WNT5B: variants seen among roughly 807,000 people sequenced by gnomAD.
WNT5B encodes protein Wnt-5b.
Under a neutral mutation model 36.5 loss-of-function variants are expected in WNT5B, and 18 were observed. The ratio of observed to expected loss-of-function variants is 0.49; its 90% CI spans 0.34 to 0.73. The LOEUF is 0.73. Ranked by LOEUF, WNT5B falls within the 30% of genes least tolerant of loss-of-function variation. The pLI, the probability that WNT5B is intolerant of heterozygous loss-of-function variation, is 0.01. For synonymous variants in WNT5B, 213 were observed against 212.3 expected, an observed-to-expected ratio of 1.00 and a Z score of -0.03; for missense variants, 424 against 508.4, an observed-to-expected ratio of 0.83 and a Z score of 1.60.
Position 1,646,361 on chromosome 12 carries a change from A to T in WNT5B, c.*109A>T, listed in dbSNP as rs2094585725. The T allele has an allele frequency of 1.1e-6, 1 of 910,776 alleles. No homozygotes were observed. The highest frequency in any genetic ancestry group is 1.5e-6 in the Non-Finnish European group (1 of 678,076). The allele number at this position is 910,776 out of a possible 1,614,324, so 56.4% of individuals were successfully genotyped here. On this transcript the variant is annotated 3_prime_UTR_variant, in exon 5 of 5. Transcript: ENST00000397196. ...TTGTATAAGTAAATGGGTGGGTGCT[A>T]TACAATGGAAAGATGAAAATGGAAA...
chr12:1,637,500 G>A (rs896345396), intron 3 of WNT5B, among the ~76,000 whole-genome samples: 15 of 151,546 alleles, frequency 9.9e-5, no homozygotes, highest in Admixed American at 3.3e-4. Flanking sequence ...CACTTTGGGA[G>A]GCCCAGGCGG....
chr12:1,617,909 AG>A (rs1353518493), intron 1 of WNT5B, among the ~76,000 whole-genome samples: 1 of 152,022 alleles, frequency 6.6e-6, no homozygotes, highest in East Asian at 1.9e-4. Context: ...GAAGCCTAGG[AG>A]GGAGGATTGC....
At chr12:1,642,515 G>GT (rs1384479164) in intron 4 of WNT5B, among the ~76,000 whole-genome samples, 1 of 152,166 alleles carries the variant, frequency 6.6e-6, no homozygotes, top group African/African-American at 2.4e-5. Flanking sequence ...CTTCAACCCT[G>GT]TATGTGCTGT....
chr12:1,622,898 A>G lies in WNT5B; in HGVS notation c.-58+5755A>G, dbSNP rs74058799. ...GATGCTGCTGGGGGCCTTCTTTGGC[A>G]GAGATGGTTAGAGAAGGCCTCTTGG... On this transcript the variant is annotated intron_variant, in intron 1 of 4. Coordinates refer to the WNT5B transcript ENST00000310594. Among the ~76,000 whole-genome samples the G allele has an allele frequency of 3.9e-3, 591 of 152,356 alleles. 3 individuals are homozygous for G. Among genetic ancestry groups the G allele is most frequent in the African/African-American group, 0.014 (574 of 41,584 alleles).
chr12:1,635,156 G>A (rs1257873639), intron 3 of WNT5B, among the ~76,000 whole-genome samples: 1 of 152,216 alleles, frequency 6.6e-6, no homozygotes, highest in Non-Finnish European at 1.5e-5. Context: ...AGCTTCTGAT[G>A]AAGACCCGAC....
intron 3 of WNT5B, among the ~76,000 whole-genome samples, chr12:1,637,041 T>C (rs2094563141): frequency 6.6e-6 from 1 of 152,002 alleles, no homozygotes; most frequent in African/African-American, 2.4e-5. Context: ...TTTGTAGAGA[T>C]GGGGTACTGC....
chr12:1,626,758 G>A (rs1443291866), upstream of WNT5B, among the ~76,000 whole-genome samples: 2 of 151,030 alleles, frequency 1.3e-5, no homozygotes, highest in African/African-American at 2.4e-5. Flanking sequence ...GTAGAGACGG[G>A]GTTTCACCGT....
intron 3 of WNT5B, among the ~76,000 whole-genome samples, chr12:1,635,023 G>C (rs1258703326): frequency 6.6e-6 from 1 of 152,196 alleles, no homozygotes; most frequent in Non-Finnish European, 1.5e-5. Context: ...CCCCCACGTT[G>C]CTTATCCATT....
At chr12:1,645,315 T>A (rs1253178501) in intron 4 of WNT5B, among the ~76,000 whole-genome samples, 1 of 152,224 alleles carries the variant, frequency 6.6e-6, no homozygotes, top group Admixed American at 6.5e-5. Flanking sequence ...CATAGCTTGC[T>A]GCATCCTCAA....
In WNT5B at chr12:1,633,622, C is replaced by T. The variant is rs1248655122; in HGVS notation, c.328+717C>T. On this transcript the variant is annotated intron_variant, in intron 3 of 4. Coordinates refer to ENST00000397196, the MANE Select transcript of WNT5B (RefSeq NM_032642.3). This position sits in a 1 kb window ranked among gnomAD's most constrained non-coding sequence, Gnocchi z 4.8. The stretch of plus-strand genomic sequence containing the variant: ...AGGTCCTTTTGAAATGCAATCCTCT[C>T]CTCTCTGGCAAGAAATTGAGAAATC... Among the ~76,000 whole-genome samples, 1 of 152,176 alleles carries T rather than the reference C, an allele frequency of 6.6e-6. No individual in the cohort carries two copies. The highest frequency in any genetic ancestry group is 1.5e-5 in the Non-Finnish European group (1 of 68,034).
upstream of WNT5B, among the ~76,000 whole-genome samples, chr12:1,626,057 C>T (rs1306740997): frequency 1.3e-5 from 2 of 149,992 alleles, no homozygotes; most frequent in Non-Finnish European, 3.0e-5. Flanking sequence ...CGACTCACTA[C>T]AGCCTTGAAC....
chr12:1,628,001 G>A (rs931570675), upstream of WNT5B, among the ~76,000 whole-genome samples: 3 of 152,182 alleles, frequency 2.0e-5, no homozygotes, highest in African/African-American at 7.2e-5. Context: ...ATTAATGAAT[G>A]TATTGAATGG....
chr12:1,619,095 T>G (rs1035845518), intron 1 of WNT5B, among the ~76,000 whole-genome samples: 54 of 151,506 alleles, frequency 3.6e-4, no homozygotes, highest in African/African-American at 1.3e-3. Flanking sequence ...TCATCACTCC[T>G]ACCAAGCCCC....
chr12:1,621,448 C>T (rs1038424867), intron 1 of WNT5B, among the ~76,000 whole-genome samples: 1 of 152,202 alleles, frequency 6.6e-6, no homozygotes, highest in Admixed American at 6.5e-5. Context: ...GACCCCATTC[C>T]TGCAGTGTTG....
intron 3 of WNT5B, among the ~76,000 whole-genome samples, chr12:1,637,663 T>C (rs1180050643): frequency 6.6e-6 from 1 of 150,952 alleles, no homozygotes; most frequent in Non-Finnish European, 1.5e-5. Context: ...GGCAGGAGAA[T>C]TGTTTGAACT....
Position 1,639,908 on chromosome 12 carries a change from T to G in WNT5B, c.553T>G (p.Phe185Val). Residue 185 changes from phenylalanine (F) to valine (V), a missense_variant, in exon 4 of 5, where the codon TTT becomes GTT. Transcript: ENST00000397196. ...FVDAREREKN[F>V]AKGSEEQGRV... ...GGATGCCCGGGAGCGAGAGAAGAAC[T>G]TTGCCAAAGGATCAGAGGAGCAGGG... 2.5e-6 allele frequency: 4 copies of G among 1,614,002 alleles called. No individual in the cohort carries two copies. Among genetic ancestry groups the G allele is most frequent in the Non-Finnish European group, 3.4e-6 (4 of 1,179,950 alleles).
At chr12:1,621,288 T>G (rs537884716) in intron 1 of WNT5B, among the ~76,000 whole-genome samples, 6 of 152,096 alleles carry the variant, frequency 3.9e-5, no homozygotes, top group African/African-American at 1.4e-4. Context: ...AGGAAGAGAA[T>G]TGGAAGACAG....
upstream of WNT5B, among the ~76,000 whole-genome samples, chr12:1,626,145 G>A (rs187305688): frequency 3.7e-4 from 56 of 152,054 alleles, no homozygotes; most frequent in African/African-American, 1.3e-3. Flanking sequence ...TTTTTGTAGA[G>A]ACAGGGTCTC....
chr12:1,639,839 G>A lies in WNT5B; in HGVS notation c.484G>A (p.Gly162Arg). 6.2e-7 allele frequency: 1 copy of A among 1,613,920 alleles called. No individual in the cohort carries two copies. The highest frequency in any genetic ancestry group is 1.1e-5 in the South Asian group (1 of 91,088). The change falls in exon 4 of 5, where the codon GGG (glycine) becomes AGG (arginine). Residue 162 changes from glycine (G) to arginine (R), a missense_variant. Coordinates refer to ENST00000397196, the MANE Select transcript of WNT5B (RefSeq NM_032642.3). ...LPRDWLWGGC[G>R]DNVEYGYRFA... ...CCGGGACTGGCTGTGGGGCGGCTGT[G>A]GGGACAACGTGGAGTACGGCTACCG...
Sources: gnomAD v4.1 joint callset for allele counts (sites outside exome capture counted in the v4.1 genomes callset) on GRCh38, gnomAD v4.1.1 for gene constraint, Gnocchi (gnomAD v3.1) non-coding constraint, MANE v1.5 for transcripts, NCBI Gene and HGNC (gene_info 2026-07-23, HGNC 2026-07-21) for gene names.